Variants in ASPM observed in about 807,000 individuals in gnomAD.
ASPM encodes abnormal spindle-like microcephaly-associated protein.
In ASPM, 256 loss-of-function variants were observed where a neutral mutation model predicts 366.4. That is an observed-to-expected ratio of 0.70 (90% CI 0.63 to 0.77). The LOEUF (loss-of-function observed/expected upper bound fraction) is 0.77. ASPM is among the 30% of genes least tolerant of loss of function. ASPM has a pLI of 0.00. For synonymous variants in ASPM, 1,414 were observed against 1,342.9 expected, an observed-to-expected ratio of 1.05 and a Z score of -1.16; for missense variants, 4,146 against 4,090.4, an observed-to-expected ratio of 1.01 and a Z score of -0.37.
At position 197,100,632 on chromosome 1, in the gene ASPM, C is replaced by T. The variant is rs929564037; in HGVS notation, c.8619G>A (p.Trp2873Ter). The change falls in exon 18 of 28, where the codon TGG becomes TGA. Residue 2873 changes from tryptophan (W) to a stop codon, truncating the protein, a stop_gained. Coordinates refer to ENST00000367409, the MANE Select transcript of ASPM (RefSeq NM_018136.5). LOFTEE classifies it high-confidence loss of function. ...ATAGTAAAAACTGTTTTCTGGTTTG[C>T]CACGTCCTAAAATAATGCTGTAAAG... Reference protein sequence around the residue: ...AITLQHYFRTWQTRKQFLLYR... With the variant: ...AITLQHYFRT The T allele has an allele frequency of 6.2e-7, 1 of 1,611,900 alleles. No individual in the cohort carries two copies. The highest frequency in any genetic ancestry group is 8.5e-7 in the Non-Finnish European group (1 of 1,178,852).
chr1:197,106,831 T>C (rs1228360197), intron 17 of ASPM, among the ~76,000 whole-genome samples: 3 of 152,088 alleles, frequency 2.0e-5, no homozygotes, highest in East Asian at 1.9e-4. Context: ...TTTTGCAAAG[T>C]CCCACAGCAA....
intron 17 of ASPM, among the ~76,000 whole-genome samples, chr1:197,115,811 G>A (rs1012554746): frequency 6.6e-6 from 1 of 152,146 alleles, no homozygotes; most frequent in African/African-American, 2.4e-5. Flanking sequence ...TCCAGACTTT[G>A]TTGTTCCATT....
In ASPM at chr1:197,102,157, T is replaced by A; in HGVS notation, c.7094A>T (p.Gln2365Leu). The change falls in exon 18 of 28, where the codon CAA (glutamine) becomes CTA (leucine). Residue 2365 changes from glutamine (Q) to leucine (L), a missense_variant. This residue lies in a region of ASPM where 3,624 missense variants were observed against 3,591.7 expected (regional missense o/e 1.01). Transcript: ENST00000367409. Reference protein sequence around the residue: ...QALKQASVVIQQQYQANRAAK... With the variant: ...QALKQASVVILQQYQANRAAK... ...AGCTCTATTTGCTTGGTATTGCTGT[T>A]GGATCACAACGGAGGCCTGTTTCAA... is the stretch of plus-strand genomic sequence containing the variant. 6.2e-7 allele frequency: 1 copy of A among 1,612,914 alleles called. No homozygotes were observed. Among genetic ancestry groups the A allele is most frequent in the African/African-American group, 1.3e-5 (1 of 74,928 alleles).
At position 197,102,544 on chromosome 1, in the gene ASPM, T is replaced by C; in HGVS notation, c.6707A>G (p.Tyr2236Cys). ...MKERNIQFQRYNKLRHSVIYI... is the reference protein window; with the variant it reads ...MKERNIQFQRCNKLRHSVIYI... Reference sequence around the variant, plus strand: ...TATTACAGAATGCCTCAGTTTGTTATACCTTTGAAATTGTATGTTTCTTTC... The same window carrying C: ...TATTACAGAATGCCTCAGTTTGTTACACCTTTGAAATTGTATGTTTCTTTC... Residue 2236 changes from tyrosine (Y) to cysteine (C), a missense_variant, in exon 18 of 28, where the codon TAT becomes TGT. By Grantham distance (194) the Tyr-to-Cys change is radical (BLOSUM62 -2). Coordinates refer to ENST00000367409, the MANE Select transcript of ASPM (RefSeq NM_018136.5). 3 of 1,612,568 alleles carry C rather than the reference T, an allele frequency of 1.9e-6. No homozygotes were observed. The highest frequency in any genetic ancestry group is 2.5e-6 in the Non-Finnish European group (3 of 1,179,222).
At position 197,104,491 on chromosome 1, in the gene ASPM, A is replaced by G; in HGVS notation, c.4760T>C (p.Ile1587Thr). The change falls in exon 18 of 28, where the codon ATC (isoleucine) becomes ACC (threonine). Residue 1587 changes from isoleucine to threonine, a missense_variant. By Grantham distance (89) the Ile-to-Thr change is moderately conservative (BLOSUM62 -1). Coordinates refer to ENST00000367409, the MANE Select transcript of ASPM (RefSeq NM_018136.5). ...VRFLNLKKTI[I>T]KFQAHVRKHQ... ...TTTTCTTACATGTGCCTGAAATTTG[A>G]TAATAGTCTTCTTAAGGTTTAAAAA... 6.2e-7 allele frequency: 1 copy of G among 1,612,668 alleles called. No individual in the cohort carries two copies. Among genetic ancestry groups the G allele is most frequent in the Non-Finnish European group, 8.5e-7 (1 of 1,179,324 alleles).
In ASPM at chr1:197,086,964, T is replaced by G. The variant is rs1177594885; in HGVS notation, c.10170A>C (p.Arg3390=). Residue 3390 remains arginine, a synonymous_variant, in exon 27 of 28, where the codon CGA becomes CGC. Transcript: ENST00000367409. Reference sequence around the variant, plus strand: ...TACGGTCAACAACTTTGGACCTACTTCGTACATCCTACAAAATAAAATGCA... The same window carrying G: ...TACGGTCAACAACTTTGGACCTACTGCGTACATCCTACAAAATAAAATGCA... The part of the protein sequence containing the change: ...LKTTNRASDV[R]SRSKVVDRIY... The G allele has an allele frequency of 6.2e-7, 1 of 1,607,910 alleles. No homozygotes were observed. Among genetic ancestry groups the G allele is most frequent in the Admixed American group, 1.7e-5 (1 of 59,926 alleles).
In ASPM at chr1:197,101,407, A is replaced by G. The variant is rs1207074064; in HGVS notation, c.7844T>C (p.Met2615Thr). The change falls in exon 18 of 28, where the codon ATG becomes ACG. Residue 2615 changes from methionine (M) to threonine (T), a missense_variant. Met to Thr is a moderately conservative substitution (Grantham distance 81, BLOSUM62 -1). Around this residue, in one of 3 missense-constraint regions of ASPM, gnomAD observed 3,624 missense variants for 3,591.7 expected, o/e 1.01. Coordinates refer to ENST00000367409, the MANE Select transcript of ASPM (RefSeq NM_018136.5). ...TTCCTGAATCTGTTTTTTTATGTTC[A>G]TGTCCTGAAAACCTGCCTGAACACA... ...ETCVQAGFQD[M>T]NIKKQIQEQH... The G allele has an allele frequency of 6.2e-7, 1 of 1,608,416 alleles. No individual in the cohort carries two copies. Among genetic ancestry groups the G allele is most frequent in the East Asian group, 2.2e-5 (1 of 44,702 alleles).
chr1:197,095,120 T>C (rs1403001985), intron 19 of ASPM, among the ~76,000 whole-genome samples: 7 of 151,784 alleles, frequency 4.6e-5, no homozygotes, highest in Non-Finnish European at 1.0e-4. Flanking sequence ...TTCCTCTAGT[T>C]ATTTTGAAAT....
At chr1:197,127,672 T>G (rs945798342) in intron 10 of ASPM, among the ~76,000 whole-genome samples, 1 of 152,174 alleles carries the variant, frequency 6.6e-6, no homozygotes, top group Non-Finnish European at 1.5e-5. Context: ...AAAGCCAATT[T>G]TGAGCATTCC....
intron 26 of ASPM, 100 bp from the exon 27 acceptor site, chr1:197,087,072 C>A: frequency 1.7e-6 from 2 of 1,173,518 alleles, no homozygotes; most frequent in South Asian, 1.4e-5. Flanking sequence ...ATGCAGTAAA[C>A]CTTTTTTTTT....
At chr1:197,111,219 A>T (rs114765484) in intron 17 of ASPM, among the ~76,000 whole-genome samples, 2,152 of 152,260 alleles carry the variant, frequency 0.014, 48 homozygotes, top group African/African-American at 0.046. Flanking sequence ...CAGTATCTAT[A>T]AGGAACTTAA....
intron 25 of ASPM, 100 bp downstream of exon 25, chr1:197,089,830 A>G: frequency 1.8e-6 from 2 of 1,141,568 alleles, no homozygotes; most frequent in Non-Finnish European, 2.6e-6. Flanking sequence ...AATGAATTTA[A>G]CTTAGAGATT....
rs1557953797 is a variant in ASPM, at chr1:197,117,982, T to A, written c.3872A>T (p.Glu1291Val). The A allele has an allele frequency of 6.2e-7, 1 of 1,612,766 alleles. No homozygotes were observed. The highest frequency in any genetic ancestry group is 8.5e-7 in the Non-Finnish European group (1 of 1,179,100). ...KLKTDLKRHQ[E>V]REKAARIIQL... ...AATAATTCTTGCAGCTTTCTCTCTC[T>A]CCTAAAATAAAAAAGTCAGCAAATG... The change falls in exon 17 of 28, where the codon GAG becomes GTG. Residue 1291 changes from glutamate to valine, a missense_variant and splice_region_variant. This residue lies in a region of ASPM where 3,624 missense variants were observed against 3,591.7 expected (regional missense o/e 1.01). Transcript: ENST00000367409.
intron 16 of ASPM, 114 bp from the exon 17 acceptor site, chr1:197,118,097 A>G (rs1378991485): frequency 1.0e-6 from 1 of 975,002 alleles, no homozygotes; most frequent in Non-Finnish European, 1.6e-6. Flanking sequence ...GAAATAAAAC[A>G]CCCCTACACT....
At chr1:197,140,940 T>G (rs1182721985) in intron 3 of ASPM, among the ~76,000 whole-genome samples, 1 of 152,128 alleles carries the variant, frequency 6.6e-6, no homozygotes. Flanking sequence ...ACCAAGATGG[T>G]TGATATAATG....
intron 19 of ASPM, among the ~76,000 whole-genome samples, chr1:197,095,046 T>C (rs1656926636): frequency 6.6e-6 from 1 of 151,810 alleles, no homozygotes. Flanking sequence ...CAAATCAGGG[T>C]AAATGGGATA....
At chr1:197,145,568 G>A (rs1435370484) in intron 1 of ASPM, among the ~76,000 whole-genome samples, 1 of 151,736 alleles carries the variant, frequency 6.6e-6, no homozygotes, top group Non-Finnish European at 1.5e-5. Flanking sequence ...GGGTACATAT[G>A]GAAACTAAAA....
chr1:197,116,542 A>G (rs1302093988), intron 17 of ASPM, among the ~76,000 whole-genome samples: 1 of 152,142 alleles, frequency 6.6e-6, no homozygotes, highest in African/African-American at 2.4e-5. Context: ...GCAAAGCACA[A>G]TAATGCAAAG....
At position 197,090,384 on chromosome 1, in the gene ASPM, A is replaced by G. The variant is rs368682161; in HGVS notation, c.9641T>C (p.Leu3214Ser). The G allele has an allele frequency of 8.0e-5, 128 of 1,604,922 alleles. No individual in the cohort carries two copies. Among genetic ancestry groups the G allele is most frequent in the Middle Eastern group, 3.6e-4 (2 of 5,580 alleles). ...FTSGIIKIQA[L>S]WRGYSWRKKN... ...CTTCCTCCAAGAATAGCCTCTCCAT[A>G]ATGCCTTAAAGAGATAAAACAGAGT... Residue 3214 changes from leucine (L) to serine (S), a missense_variant, in exon 24 of 28, where the codon TTA becomes TCA. By Grantham distance (145) the Leu-to-Ser change is moderately radical. Coordinates refer to ENST00000367409, the MANE Select transcript of ASPM (RefSeq NM_018136.5).
Sources: allele counts gnomAD v4.1 joint callset (sites outside exome capture counted in the v4.1 genomes callset), GRCh38; gene constraint gnomAD v4.1.1; regional missense constraint gnomAD v4.1.1; transcripts MANE v1.5; gene names NCBI Gene and HGNC (gene_info 2026-07-23, HGNC 2026-07-21).